CDK14: variants seen among roughly 807,000 people sequenced by gnomAD.
CDK14 encodes cyclin-dependent kinase 14.
CDK14 carries 34 observed loss-of-function variants against 60.7 expected under a neutral mutation model. The ratio of observed to expected loss-of-function variants is 0.56; its 90% CI spans 0.43 to 0.75. CDK14 has a LOEUF of 0.75. Ranked by LOEUF, CDK14 falls within the 30% of genes least tolerant of loss-of-function variation. The pLI is 0.00. For missense variants in CDK14, 482 were observed against 564.1 expected (o/e 0.85, Z 1.47); for synonymous variants, 197 against 203.7 (o/e 0.97, Z 0.28).
At chr7:90,816,883 A>G (rs1313895388) in intron 5 of CDK14, among the ~76,000 whole-genome samples, 1 of 152,220 alleles carries the variant, frequency 6.6e-6, no homozygotes, top group Non-Finnish European at 1.5e-5. Context: ...ACCATTTTAC[A>G]AGAGAACAAG....
intron 2 of CDK14, among the ~76,000 whole-genome samples, chr7:90,721,583 G>A (rs1463712260): frequency 6.6e-6 from 1 of 151,986 alleles, no homozygotes; most frequent in East Asian, 1.9e-4. Context: ...GATGTTTCCT[G>A]GCTCTTTCAC....
At chr7:90,821,339 T>C (rs10236447) in intron 5 of CDK14, among the ~76,000 whole-genome samples, 1 of 152,182 alleles carries the variant, frequency 6.6e-6, no homozygotes, top group East Asian at 1.9e-4. Flanking sequence ...CCAAGCTGGG[T>C]TGAGTTTTTA....
intron 6 of CDK14, among the ~76,000 whole-genome samples, chr7:90,874,569 C>T (rs551287819): frequency 1.3e-4 from 16 of 120,238 alleles, no homozygotes; most frequent in South Asian, 2.9e-4. Flanking sequence ...TCGCCCAGGC[C>T]GGACTGCGGA....
intron 6 of CDK14, among the ~76,000 whole-genome samples, chr7:90,875,364 A>T (rs1270849185): frequency 6.6e-6 from 1 of 152,142 alleles, no homozygotes; most frequent in Non-Finnish European, 1.5e-5. Flanking sequence ...TCTTTTGTGC[A>T]TATATCTAGG....
chr7:90,744,364 A>C (rs1803484314), intron 3 of CDK14, among the ~76,000 whole-genome samples: 1 of 152,118 alleles, frequency 6.6e-6, no homozygotes. Context: ...AGGCAGAAGA[A>C]TTTTTCTTAG....
chr7:90,921,695 C>G (rs753677540), intron 8 of CDK14, among the ~76,000 whole-genome samples: 1 of 151,966 alleles, frequency 6.6e-6, no homozygotes, highest in East Asian at 1.9e-4. Context: ...AGCGAGAATT[C>G]TATAATATAA....
At chr7:90,614,108 G>A (rs957870773) in intron 2 of CDK14, among the ~76,000 whole-genome samples, 4 of 150,518 alleles carry the variant, frequency 2.7e-5, no homozygotes, top group Non-Finnish European at 5.9e-5. Context: ...CTGGGTTCAA[G>A]TGATTCTCCT....
chr7:91,112,453 T>G, intron 12 of CDK14, 89 bp from the exon 13 acceptor site: 1 of 1,406,608 alleles, frequency 7.1e-7, no homozygotes, highest in East Asian at 2.3e-5. Context: ...AGGAATAAAT[T>G]GAAATCCAGA....
intron 10 of CDK14, among the ~76,000 whole-genome samples, chr7:91,018,456 A>T (rs879592836): frequency 2.0e-3 from 298 of 148,174 alleles, no homozygotes; most frequent in Non-Finnish European, 2.4e-3. Flanking sequence ...ACACAAAAAA[A>T]TTAATAAATA....
intron 5 of CDK14, among the ~76,000 whole-genome samples, chr7:90,806,749 A>G (rs1788856884): frequency 6.6e-6 from 1 of 151,366 alleles, no homozygotes; most frequent in South Asian, 2.1e-4. Flanking sequence ...GGCACCTGGA[A>G]AATCAGGTCA....
chr7:90,820,683 C>T (rs3779563), intron 5 of CDK14, among the ~76,000 whole-genome samples: 30,853 of 152,020 alleles, frequency 0.2, 3,271 homozygotes, highest in South Asian at 0.24. Flanking sequence ...CTAATACATG[C>T]GTCTAACCTT....
chr7:91,086,013 C>T (rs697395), intron 12 of CDK14, among the ~76,000 whole-genome samples: 118,016 of 152,020 alleles, frequency 0.78, 46,059 homozygotes, highest in East Asian at 0.92. Flanking sequence ...ATGTAATTAA[C>T]AAGAGTTAAG....
intron 14 of CDK14, among the ~76,000 whole-genome samples, chr7:91,202,242 T>C (rs546202980): frequency 6.6e-6 from 1 of 152,342 alleles, no homozygotes; most frequent in Non-Finnish European, 1.5e-5. Flanking sequence ...AATTAATATT[T>C]ATAGCCAAGA....
chr7:90,611,835 T>C (rs17866359), intron 2 of CDK14, among the ~76,000 whole-genome samples: 2 of 148,638 alleles, frequency 1.3e-5, no homozygotes, highest in Non-Finnish European at 3.0e-5. Context: ...TTGTGTGTTT[T>C]TTTTTTTTTT....
At chr7:90,988,639 C>T (rs1795442630) in intron 10 of CDK14, among the ~76,000 whole-genome samples, 1 of 151,846 alleles carries the variant, frequency 6.6e-6, no homozygotes, top group African/African-American at 2.4e-5. Context: ...CTTGTACAAC[C>T]CTGGGAATAT....
At chr7:90,757,596 CT>C (rs780503136) in intron 4 of CDK14, among the ~76,000 whole-genome samples, 380 of 142,744 alleles carry the variant, frequency 2.7e-3, no homozygotes, top group Middle Eastern at 3.5e-3. Flanking sequence ...TTGTGTAATT[CT>C]TTTTTTTTTT....
intron 11 of CDK14, among the ~76,000 whole-genome samples, chr7:91,050,419 A>AAT (rs1554412206): frequency 1.3e-5 from 2 of 152,314 alleles, no homozygotes; most frequent in Middle Eastern, 3.4e-3. Flanking sequence ...GGAAAAAAAA[A>AAT]ATATATAACA....
chr7:90,808,514 G>A (rs999260376), intron 5 of CDK14, among the ~76,000 whole-genome samples: 1 of 152,118 alleles, frequency 6.6e-6, no homozygotes, highest in Non-Finnish European at 1.5e-5. Flanking sequence ...GCAAAAACAT[G>A]CCAAGTTGTA....
chr7:90,777,237 C>G (rs1584881537), intron 4 of CDK14, among the ~76,000 whole-genome samples: 1 of 152,112 alleles, frequency 6.6e-6, no homozygotes, highest in South Asian at 2.1e-4. Context: ...TCAGCTATAC[C>G]TGAGAGTAGT....
Sources: gnomAD v4.1 joint callset for allele counts (sites outside exome capture counted in the v4.1 genomes callset) on GRCh38, gnomAD v4.1.1 for gene constraint, MANE v1.5 for transcripts, NCBI Gene and HGNC (gene_info 2026-07-23, HGNC 2026-07-21) for gene names.